Variants in TMED4 observed in about 807,000 individuals in gnomAD.
TMED4 encodes transmembrane p24 trafficking protein 4.
TMED4 carries 19 observed loss-of-function variants against 26.5 expected under a neutral mutation model. That is an observed-to-expected ratio of 0.72 (90% confidence interval 0.50 to 1.05). TMED4 has a LOEUF of 1.05. TMED4 is among the 50% of genes least tolerant of loss of function. The pLI is 0.00. For synonymous variants in TMED4, 121 were observed against 119.8 expected, an observed-to-expected ratio of 1.01 and a Z score of -0.07; for missense variants, 303 against 302.5, an observed-to-expected ratio of 1.00 and a Z score of -0.01.
At chr7:44,580,769 A>G in intron 4 of TMED4, 1 of 210,874 alleles carries the variant, frequency 4.7e-6, no homozygotes, top group South Asian at 6.8e-5. Context: ...CAACGTGGAG[A>G]AACCCCCGTC....
In TMED4 at chr7:44,581,218, C is replaced by A. The variant is rs969305783; in HGVS notation, c.409G>T (p.Val137Phe). 1 of 1,614,130 alleles carries A rather than the reference C, an allele frequency of 6.2e-7. No individual in the cohort carries two copies. Among genetic ancestry groups the A allele is most frequent in the Non-Finnish European group, 8.5e-7 (1 of 1,180,032 alleles). ...GGGTAGTTGTTGGCATGCTCCCCAA[C>A]CTGGATGTCGAGATGCACCCGCTAC... The part of the protein sequence containing the change: ...GKLRVHLDIQ[V>F]GEHANNYPEI... Residue 137 changes from valine to phenylalanine, a missense_variant, in exon 4 of 5, where the codon GTT becomes TTT. Transcript: ENST00000457408.
rs1802898890 is a variant in TMED4 at position 44,579,020 on chromosome 7, T to C, written c.*459A>G. The stretch of plus-strand genomic sequence containing the variant: ...AAGATTTAGAAAAACATCTCAATCC[T>C]CTAGGGCCAAGACCTGCCCCTTATT... On this transcript the variant is annotated 3_prime_UTR_variant, in exon 5 of 5. Transcript: ENST00000457408. The C allele has an allele frequency of 6.5e-6, 1 of 152,708 alleles. No homozygotes were observed. The highest frequency in any genetic ancestry group is 2.4e-5 in the African/African-American group (1 of 41,432). 9.5% of individuals were successfully genotyped at this position (152,708 alleles called of 1,614,324 possible). A position where few individuals can be genotyped will look rare whatever the true frequency, so the allele number is the denominator to read the frequency against.
chr7:44,581,039 T>C, intron 4 of TMED4, 54 bp downstream of exon 4: 1 of 1,596,526 alleles, frequency 6.3e-7, no homozygotes. Flanking sequence ...TGAGTAGGTA[T>C]AGTGGGTATA....
chr7:44,579,606 A>G lies in TMED4; in HGVS notation c.557T>C (p.Leu186Pro). The G allele has an allele frequency of 6.2e-7, 1 of 1,614,068 alleles. No individual in the cohort carries two copies. Among genetic ancestry groups the G allele is most frequent in the Non-Finnish European group, 8.5e-7 (1 of 1,179,940 alleles). Residue 186 changes from leucine (L) to proline (P), a missense_variant, in exon 5 of 5, where the codon CTG becomes CCG. Transcript: ENST00000457408. ...CCTCTGGTTGGTGCTCTCGCTCGTC[A>G]GTCGGAAGCGCTCTTCACGATACTG... Reference protein sequence around the residue: ...YQRYREERFRLTSESTNQRVL... With the variant: ...YQRYREERFRPTSESTNQRVL...
chr7:44,580,957 C>T, intron 4 of TMED4, 136 bp downstream of exon 4: 1 of 1,015,614 alleles, frequency 9.8e-7, no homozygotes, highest in Non-Finnish European at 1.4e-6. Flanking sequence ...TCAAAAACAA[C>T]AAACAAACAA....
At chr7:44,580,072 G>C in intron 4 of TMED4, 1 of 155,278 alleles carries the variant, frequency 6.4e-6, no homozygotes, top group East Asian at 1.9e-4. Flanking sequence ...AGTCACAAAA[G>C]GACAAATACT....
At position 44,582,078 on chromosome 7, in the gene TMED4, G is replaced by T; in HGVS notation, c.129C>A (p.Ile43=). Residue 43 remains isoleucine (I), a synonymous_variant, in exon 1 of 5, where the codon ATC becomes ATA. Coordinates refer to ENST00000457408, the MANE Select transcript of TMED4 (RefSeq NM_182547.4). ...HIGETEKRCF[I]EEIPDETMVI... ...CCATGGTCTCGTCGGGGATTTCCTCGATGAAACAGCGCTTCTCGGTCTCGC... is the reference window on the plus strand; with the variant it reads ...CCATGGTCTCGTCGGGGATTTCCTCTATGAAACAGCGCTTCTCGGTCTCGC... The T allele has an allele frequency of 1.3e-6, 2 of 1,567,408 alleles. No individual in the cohort carries two copies. Among genetic ancestry groups the T allele is most frequent in the South Asian group, 1.2e-5 (1 of 85,974 alleles).
chr7:44,581,116 G>T lies in TMED4; in HGVS notation c.511C>A (p.Gln171Lys). 1 of 1,614,154 alleles carries T rather than the reference G, an allele frequency of 6.2e-7. No individual in the cohort carries two copies. Among genetic ancestry groups the T allele is most frequent in the Non-Finnish European group, 8.5e-7 (1 of 1,180,038 alleles). The change falls in exon 4 of 5, where the codon CAG becomes AAG. Residue 171 changes from glutamine (Q) to lysine (K), a missense_variant. Physicochemically the swap from Gln to Lys is moderately conservative, Grantham distance 53. Coordinates refer to ENST00000457408, the MANE Select transcript of TMED4 (RefSeq NM_182547.4). ...RQLLDQVEQI[Q>K]KEQDYQRYRE... Reference sequence around the variant, plus strand: ...GCCCTTTGGTAATCCTGCTCCTTCTGAATCTGTTCCACCTGATCAAGCAAC... The same window carrying T: ...GCCCTTTGGTAATCCTGCTCCTTCTTAATCTGTTCCACCTGATCAAGCAAC...
At position 44,581,561 on chromosome 7, in the gene TMED4, C is replaced by G; in HGVS notation, c.275G>C (p.Arg92Pro). 6.2e-7 allele frequency: 1 copy of G among 1,614,190 alleles called. No homozygotes were observed. The highest frequency in any genetic ancestry group is 8.5e-7 in the Non-Finnish European group (1 of 1,180,046). ...GAAGCGGCCCTCCGAGCCGTACTGCCGGGACAGCACCACCTGCAACATATG... is the reference window on the plus strand; with the variant it reads ...GAAGCGGCCCTCCGAGCCGTACTGCGGGGACAGCACCACCTGCAACATATG... ...KDPDGKVVLS[R>P]QYGSEGRFTF... Residue 92 changes from arginine (R) to proline (P), a missense_variant, in exon 3 of 5, where the codon CGG (arginine) becomes CCG (proline). Transcript: ENST00000457408.
Position 44,581,659 on chromosome 7 carries a change from C to A in TMED4, c.261+64G>T, listed in dbSNP as rs571223247. The A allele has an allele frequency of 1.5e-5, 24 of 1,612,922 alleles. No individual in the cohort carries two copies. The South Asian group carries it at 2.4e-4, about 16-fold the overall frequency. ...CCTGTCCCTTGAGGCCTCCTCCAGG[C>A]AGTGCTTTACACCCCACGGGAGCTC... On this transcript the variant is annotated intron_variant, in intron 2 of 4. Transcript: ENST00000457408.
chr7:44,581,356 T>G, intron 3 of TMED4, 93 bp downstream of exon 3: 1 of 1,605,074 alleles, frequency 6.2e-7, no homozygotes, highest in Non-Finnish European at 8.5e-7. Flanking sequence ...TCCCCAATTC[T>G]GACTGTGCTA....
In TMED4 at chr7:44,579,604, T is replaced by A; in HGVS notation, c.559A>T (p.Thr187Ser). Residue 187 changes from threonine to serine, a missense_variant, in exon 5 of 5, where the codon ACG (threonine) becomes TCG (serine). Coordinates refer to ENST00000457408, the MANE Select transcript of TMED4 (RefSeq NM_182547.4). ...QRYREERFRLTSESTNQRVLW... is the reference protein window; with the variant it reads ...QRYREERFRLSSESTNQRVLW... ...ACCCTCTGGTTGGTGCTCTCGCTCGTCAGTCGGAAGCGCTCTTCACGATAC... is the reference window on the plus strand; with the variant it reads ...ACCCTCTGGTTGGTGCTCTCGCTCGACAGTCGGAAGCGCTCTTCACGATAC... 1 of 1,614,054 alleles carries A rather than the reference T, an allele frequency of 6.2e-7. No homozygotes were observed.
At chr7:44,581,314 C>T (rs745699906) in intron 3 of TMED4, 75 bp from the exon 4 acceptor site, 7 of 1,600,266 alleles carry the variant, frequency 4.4e-6, no homozygotes, top group Non-Finnish European at 4.3e-6. Context: ...CCACTATTGT[C>T]CCTGGCTGTG....
Position 44,579,602 on chromosome 7 carries a change from CGTCA to C in TMED4, c.557_560del (p.Leu186ArgfsTer47). 6.2e-7 allele frequency: 1 copy of C among 1,614,014 alleles called. No individual in the cohort carries two copies. The highest frequency in any genetic ancestry group is 2.2e-5 in the East Asian group (1 of 44,884). ...GGACCCTCTGGTTGGTGCTCTCGCT[CGTCA>C]GTCGGAAGCGCTCTTCACGATACTG... On this transcript the variant is annotated frameshift_variant, in exon 5 of 5. Transcript: ENST00000457408. LOFTEE classifies it high-confidence loss of function.
In TMED4 at chr7:44,578,502, C is replaced by T. The variant is rs1802881020; in HGVS notation, c.*977G>A. On this transcript the variant is annotated 3_prime_UTR_variant, in exon 5 of 5. Transcript: ENST00000457408. ...GATGAAAAGCAGGTATCCAAAAGAA[C>T]TCTGCTTGGCCCTCTGATACGGCCT... 1 of 152,124 alleles carries T rather than the reference C, an allele frequency of 6.6e-6. No homozygotes were observed. Among genetic ancestry groups the T allele is most frequent in the South Asian group, 2.1e-4 (1 of 4,826 alleles). The allele number at this position is 152,124 out of a possible 1,614,324, so 9.4% of individuals were successfully genotyped here. A position where few individuals can be genotyped will look rare whatever the true frequency, so the allele number is the denominator to read the frequency against.
In TMED4 at chr7:44,581,728, CG is replaced by C. The variant is rs1291856023; in HGVS notation, c.255del (p.Asp85GlufsTer69). ...TGGGCCAACGCCAGCCTTACCTTGC[CG>C]TCGGGGTCCTTCACTTCCACGTGCA... is the stretch of plus-strand genomic sequence containing the variant. ...LGMHVEVKDPDGKVVLSRQYG... is the reference protein window; with the variant it reads ...LGMHVEVKDPXGKVVLSRQYG... On this transcript the variant is annotated frameshift_variant, in exon 2 of 5. Coordinates refer to ENST00000457408, the MANE Select transcript of TMED4 (RefSeq NM_182547.4). LOFTEE classifies it high-confidence loss of function. 10 of 1,614,086 alleles carry C rather than the reference CG, an allele frequency of 6.2e-6. No homozygotes were observed. The highest frequency in any genetic ancestry group is 7.6e-6 in the Non-Finnish European group (9 of 1,180,028).
chr7:44,580,962 A>G, intron 4 of TMED4, 131 bp downstream of exon 4: 1 of 1,052,566 alleles, frequency 9.5e-7, no homozygotes. Flanking sequence ...AACAACAAAC[A>G]AACAACCTAT....
rs76901418 is a variant in TMED4 at position 44,581,421 on chromosome 7, G to A, written c.387+28C>T. On this transcript the variant is annotated intron_variant, in intron 3 of 4. Transcript: ENST00000457408. ...TTTGGAAACAAGTGAGAGATTCTAA[G>A]CTGAAGCCAAAGAGAAAATCCTCTT... 557 of 1,613,986 alleles carry A rather than the reference G, an allele frequency of 3.5e-4. 12 individuals carry two copies. The East Asian group carries it at 0.012, about 36-fold the overall frequency.
chr7:44,581,908 G>A, intron 1 of TMED4, 85 bp from the exon 2 acceptor site: 1 of 1,578,894 alleles, frequency 6.3e-7, no homozygotes, highest in Admixed American at 1.7e-5. Context: ...CGGAGCTCTA[G>A]GCAGGGGGCC....
Sources: gnomAD v4.1 joint callset for allele counts on GRCh38, gnomAD v4.1.1 for gene constraint, MANE v1.5 for transcripts, NCBI Gene and HGNC (gene_info 2026-07-23, HGNC 2026-07-21) for gene names.